Variants in THSD7B observed in about 807,000 individuals in gnomAD.
THSD7B encodes thrombospondin type-1 domain-containing protein 7B.
A neutral mutation model predicts 213.6 loss-of-function variants in THSD7B; 138 were observed. That is an observed-to-expected ratio of 0.65 (90% CI 0.56 to 0.74). The LOEUF (loss-of-function observed/expected upper bound fraction) is 0.74. Among genes scored for constraint, THSD7B ranks in the 30% least tolerant of loss-of-function variants. The pLI is 0.00. For missense variants in THSD7B, 1,931 were observed against 1,991.5 expected (o/e 0.97, Z 0.58); for synonymous variants, 742 against 687.0 (o/e 1.08, Z -1.25).
intron 2 of THSD7B, among the ~76,000 whole-genome samples, chr2:136,993,317 C>T (rs866614579): frequency 4.6e-5 from 7 of 152,150 alleles, no homozygotes; most frequent in Admixed American, 3.3e-4. Flanking sequence ...TCCTTTCCTC[C>T]TGGAATCTAA....
intron 2 of THSD7B, among the ~76,000 whole-genome samples, chr2:137,031,859 G>A (rs1686677558): frequency 1.4e-5 from 2 of 146,026 alleles, no homozygotes; most frequent in East Asian, 2.0e-4. Context: ...GCTGGGGGTA[G>A]GGGATAAGGT....
intron 3 of THSD7B, among the ~76,000 whole-genome samples, chr2:137,092,578 A>G (rs1047230684): frequency 2.0e-5 from 3 of 152,298 alleles, no homozygotes; most frequent in African/African-American, 7.2e-5. Context: ...TCTGTCTTCT[A>G]TAAATGATCG....
intron 1 of THSD7B, among the ~76,000 whole-genome samples, chr2:136,774,157 T>C (rs1681560007): frequency 1.3e-5 from 2 of 152,088 alleles, no homozygotes; most frequent in African/African-American, 2.4e-5. Flanking sequence ...TTAGTGTGTA[T>C]GTGTAGCCTA....
At chr2:137,241,708 C>G (rs1216393227) in intron 9 of THSD7B, among the ~76,000 whole-genome samples, 1 of 151,936 alleles carries the variant, frequency 6.6e-6, no homozygotes, top group East Asian at 1.9e-4. Flanking sequence ...GTCGAGAGAT[C>G]GAGATCATCC....
At chr2:137,628,232 C>G (rs1464492987) in intron 20 of THSD7B, among the ~76,000 whole-genome samples, 1 of 152,150 alleles carries the variant, frequency 6.6e-6, no homozygotes, top group Non-Finnish European at 1.5e-5. Context: ...TGCAGTCACC[C>G]TAATCTCCCA....
At chr2:137,635,332 C>T (rs1682813565) in intron 20 of THSD7B, among the ~76,000 whole-genome samples, 1 of 152,142 alleles carries the variant, frequency 6.6e-6, no homozygotes, top group Non-Finnish European at 1.5e-5. Flanking sequence ...ATTGTCATGT[C>T]TCATGCAGTT....
chr2:136,956,327 T>C (rs1253030400), intron 2 of THSD7B, among the ~76,000 whole-genome samples: 3 of 152,168 alleles, frequency 2.0e-5, no homozygotes, highest in Non-Finnish European at 4.4e-5. Flanking sequence ...TTCCAGTGGC[T>C]AAAATGGAGA....
intron 17 of THSD7B, among the ~76,000 whole-genome samples, chr2:137,587,831 C>T (rs1401538863): frequency 2.6e-5 from 4 of 152,202 alleles, no homozygotes; most frequent in Admixed American, 6.5e-5. Context: ...TCTCAAACTC[C>T]ATGCTGGGAG....
At chr2:137,650,650 G>A (rs759066051) in intron 21 of THSD7B, among the ~76,000 whole-genome samples, 7 of 152,112 alleles carry the variant, frequency 4.6e-5, no homozygotes, top group Non-Finnish European at 8.8e-5. Context: ...AGGCATCCTT[G>A]TCTTGTTCCA....
At chr2:137,172,766 G>A (rs1680280591) in intron 7 of THSD7B, among the ~76,000 whole-genome samples, 1 of 152,206 alleles carries the variant, frequency 6.6e-6, no homozygotes, top group Admixed American at 6.5e-5. Context: ...GGCATCTGAA[G>A]TGAGCGGCAG....
intron 15 of THSD7B, among the ~76,000 whole-genome samples, chr2:137,559,097 C>A (rs1409789869): frequency 6.6e-6 from 1 of 152,178 alleles, no homozygotes; most frequent in African/African-American, 2.4e-5. Flanking sequence ...ATTCCAAGCT[C>A]ATGGATAGGA....
chr2:137,201,922 G>T (rs1680883012), intron 7 of THSD7B, among the ~76,000 whole-genome samples: 1 of 152,132 alleles, frequency 6.6e-6, no homozygotes, highest in Non-Finnish European at 1.5e-5. Flanking sequence ...TCTCCTCTGG[G>T]ATGCTCCTGC....
chr2:137,336,937 T>C (rs1684651476), intron 12 of THSD7B, among the ~76,000 whole-genome samples: 1 of 152,044 alleles, frequency 6.6e-6, no homozygotes, highest in African/African-American at 2.4e-5. Flanking sequence ...TTATATTTAC[T>C]TTCTATTTAA....
chr2:137,378,467 G>A (rs1685708748), intron 12 of THSD7B, among the ~76,000 whole-genome samples: 1 of 152,136 alleles, frequency 6.6e-6, no homozygotes, highest in South Asian at 2.1e-4. Context: ...TCCTTAACAA[G>A]CAAGCTACTT....
chr2:137,530,811 G>C (rs1680382790), intron 15 of THSD7B, among the ~76,000 whole-genome samples: 1 of 151,992 alleles, frequency 6.6e-6, no homozygotes, highest in African/African-American at 2.4e-5. Context: ...CCTCTTACTA[G>C]AATTGTGATA....
chr2:137,453,881 G>T (rs1171686721), intron 15 of THSD7B, among the ~76,000 whole-genome samples: 1 of 151,994 alleles, frequency 6.6e-6, no homozygotes, highest in African/African-American at 2.4e-5. Context: ...TTTGTGCCTG[G>T]ATTATTTCAC....
chr2:137,271,431 T>TATA (rs1233708114), intron 10 of THSD7B, among the ~76,000 whole-genome samples: 1 of 136,862 alleles, frequency 7.3e-6, no homozygotes, highest in African/African-American at 2.8e-5. Flanking sequence ...AATTATATAA[T>TATA]ATATATAATA....
intron 5 of THSD7B, among the ~76,000 whole-genome samples, chr2:137,128,372 G>A (rs190525338): frequency 2.0e-5 from 3 of 152,198 alleles, no homozygotes; most frequent in Admixed American, 1.3e-4. Flanking sequence ...GAGAAGAATC[G>A]AAGTATCATT....
At chr2:137,539,241 T>C (rs1680562946) in intron 15 of THSD7B, among the ~76,000 whole-genome samples, 1 of 151,672 alleles carries the variant, frequency 6.6e-6, no homozygotes, top group Non-Finnish European at 1.5e-5. Flanking sequence ...AAGTGCTAAG[T>C]GTAGCTAAAG....
Sources: allele counts gnomAD v4.1 joint callset (sites outside exome capture counted in the v4.1 genomes callset), GRCh38; gene constraint gnomAD v4.1.1; transcripts MANE v1.5; gene names NCBI Gene and HGNC (gene_info 2026-07-23, HGNC 2026-07-21).